Variants in MCTP1 observed in about 807,000 individuals in gnomAD.
MCTP1 encodes the protein multiple C2 and transmembrane domain-containing protein 1.
A neutral mutation model predicts 120.6 loss-of-function variants in MCTP1; 69 were observed. The ratio of observed to expected loss-of-function variants is 0.57; its 90% CI spans 0.47 to 0.70. The LOEUF is 0.70. Among genes scored for constraint, MCTP1 ranks in the 30% least tolerant of loss-of-function variants. The probability of loss-of-function intolerance (pLI) is 0.00; values close to 1 mark genes in which losing one functional copy is unlikely to be tolerated. For missense variants in MCTP1, 1,203 were observed against 1,248.8 expected, an observed-to-expected ratio of 0.96 and a Z score of 0.55; for synonymous variants, 529 against 493.1, an observed-to-expected ratio of 1.07 and a Z score of -0.96.
chr5:95,019,814 G>T (rs566148181), intron 1 of MCTP1, among the ~76,000 whole-genome samples: 16 of 151,986 alleles, frequency 1.1e-4, no homozygotes, highest in African/African-American at 3.6e-4. Context: ...GGACAAGAGC[G>T]TGACAGCTGT....
intron 2 of MCTP1, among the ~76,000 whole-genome samples, chr5:95,010,206 G>C (rs1835647429): frequency 6.6e-6 from 1 of 151,948 alleles, no homozygotes; most frequent in South Asian, 2.1e-4. Flanking sequence ...GCATCATCAG[G>C]CTTAAAACCT....
chr5:94,726,846 G>A (rs1023613812), intron 19 of MCTP1, among the ~76,000 whole-genome samples: 1 of 152,078 alleles, frequency 6.6e-6, no homozygotes, highest in Non-Finnish European at 1.5e-5. Flanking sequence ...AGTCCCATAT[G>A]GTATTTTTTC....
chr5:95,127,818 T>C (rs1375100409), intron 1 of MCTP1, among the ~76,000 whole-genome samples: 1 of 151,968 alleles, frequency 6.6e-6, no homozygotes, highest in Non-Finnish European at 1.5e-5. Flanking sequence ...TAGAAGCAGA[T>C]GTGTATGATT....
intron 1 of MCTP1, among the ~76,000 whole-genome samples, chr5:95,247,355 T>C (rs988269165): frequency 1.6e-4 from 25 of 152,210 alleles, no homozygotes; most frequent in Admixed American, 1.4e-3. Context: ...CCTGGATTCA[T>C]TGATTTTTCG....
At chr5:95,120,527 C>T (rs1198725949) in intron 1 of MCTP1, among the ~76,000 whole-genome samples, 2 of 152,072 alleles carry the variant, frequency 1.3e-5, no homozygotes, top group African/African-American at 4.8e-5. Context: ...AGGATGGTAC[C>T]ACATATGCAA....
intron 1 of MCTP1, among the ~76,000 whole-genome samples, chr5:95,107,979 C>T (rs892068217): frequency 6.6e-6 from 1 of 152,142 alleles, no homozygotes; most frequent in Admixed American, 6.5e-5. Flanking sequence ...AGCAGTCTCA[C>T]CATTCTGAAG....
rs868862972 is a variant in MCTP1, at chr5:95,284,549, G to A, written c.27C>T (p.Gly9=). The A allele has an allele frequency of 6.9e-7, 1 of 1,451,510 alleles. No homozygotes were observed. The allele number at this position is 1,451,510 out of a possible 1,614,324, so 89.9% of individuals were successfully genotyped here. The change falls in exon 1 of 23, where the codon GGC becomes GGT. Residue 9 remains glycine, a synonymous_variant. Transcript: ENST00000515393. This position sits in a 1 kb window ranked among gnomAD's most constrained non-coding sequence, Gnocchi z 5.2. ...AGGACGCCGCCGGCGGCTCTGGCTC[G>A]CCCGCCGCGGCAGCCCGGGGCTCCA... The part of the protein sequence containing the change: MEPRAAAA[G]EPEPPAASSS...
chr5:95,116,644 G>A (rs972162271), intron 1 of MCTP1, among the ~76,000 whole-genome samples: 4 of 151,694 alleles, frequency 2.6e-5, no homozygotes, highest in African/African-American at 7.3e-5. Context: ...CCATTTTCAC[G>A]ATATTGATTC....
intron 17 of MCTP1, among the ~76,000 whole-genome samples, chr5:94,812,094 T>TA (rs1783544476): frequency 6.6e-6 from 1 of 152,178 alleles, no homozygotes; most frequent in Admixed American, 6.5e-5. Context: ...CTGAAGTTTT[T>TA]AAAATCAATG....
At chr5:94,906,266 G>T (rs1278290323) in intron 10 of MCTP1, among the ~76,000 whole-genome samples, 1 of 152,110 alleles carries the variant, frequency 6.6e-6, no homozygotes, top group Non-Finnish European at 1.5e-5. Flanking sequence ...ATGGTGGATT[G>T]CTTGAGCTCA....
At chr5:94,740,641 T>C (rs1322551047) in intron 19 of MCTP1, among the ~76,000 whole-genome samples, 2 of 152,338 alleles carry the variant, frequency 1.3e-5, no homozygotes, top group Admixed American at 6.5e-5. Flanking sequence ...GCAATTTGTA[T>C]GCAAAGTACG....
intron 1 of MCTP1, among the ~76,000 whole-genome samples, chr5:95,170,502 C>A (rs1184745973): frequency 2.6e-5 from 4 of 152,120 alleles, no homozygotes; most frequent in African/African-American, 4.8e-5. Flanking sequence ...CTAATGTTGA[C>A]AGTGGGGTGT....
chr5:94,965,206 G>A (rs1825297658), intron 2 of MCTP1, among the ~76,000 whole-genome samples: 1 of 152,166 alleles, frequency 6.6e-6, no homozygotes, highest in Non-Finnish European at 1.5e-5. Flanking sequence ...CTGAAGGAAA[G>A]ACTTTCTGGG....
chr5:94,855,573 A>C (rs1678599742), intron 17 of MCTP1, among the ~76,000 whole-genome samples: 1 of 151,962 alleles, frequency 6.6e-6, no homozygotes, highest in African/African-American at 2.4e-5. Flanking sequence ...AGGTAGGCTC[A>C]AGTGAATCAA....
chr5:94,743,684 C>G (rs956679168), intron 19 of MCTP1, among the ~76,000 whole-genome samples: 1 of 145,004 alleles, frequency 6.9e-6, no homozygotes, highest in Non-Finnish European at 1.5e-5. Flanking sequence ...GTCGCCCAGG[C>G]TCGAGTGCAG....
chr5:95,069,532 G>A (rs73777427), intron 1 of MCTP1, among the ~76,000 whole-genome samples: 328 of 151,750 alleles, frequency 2.2e-3, no homozygotes, highest in African/African-American at 6.8e-3. Flanking sequence ...CCGCAAGGGT[G>A]CAGAATCTGA....
chr5:94,786,635 C>T (rs1777768876), intron 18 of MCTP1, among the ~76,000 whole-genome samples: 1 of 152,164 alleles, frequency 6.6e-6, no homozygotes, highest in African/African-American at 2.4e-5. Flanking sequence ...GAAAAGCCTG[C>T]CTGGTCTACT....
chr5:95,210,407 T>G (rs924939537), intron 1 of MCTP1, among the ~76,000 whole-genome samples: 2 of 150,892 alleles, frequency 1.3e-5, no homozygotes, highest in Admixed American at 6.6e-5. Flanking sequence ...CTTGTTGAAT[T>G]GATCCCTTTA....
At chr5:94,734,666 A>G (rs1319949081) in intron 19 of MCTP1, among the ~76,000 whole-genome samples, 3 of 152,202 alleles carry the variant, frequency 2.0e-5, no homozygotes, top group Non-Finnish European at 4.4e-5. Context: ...TATTTTGTCC[A>G]GGTAGGTCTT....
Sources: gnomAD v4.1 joint callset for allele counts (sites outside exome capture counted in the v4.1 genomes callset) on GRCh38, gnomAD v4.1.1 for gene constraint, Gnocchi (gnomAD v3.1) non-coding constraint, MANE v1.5 for transcripts, NCBI Gene and HGNC (gene_info 2026-07-23, HGNC 2026-07-21) for gene names.